BACE2: variants seen among roughly 807,000 people sequenced by gnomAD.
BACE2 encodes 56 kDa aspartic-like protease.
Under a neutral mutation model 46.2 loss-of-function variants are expected in BACE2, and 17 were observed. The ratio of observed to expected loss-of-function variants is 0.37; its 90% CI spans 0.25 to 0.55. BACE2 has a LOEUF of 0.55. Ranked by LOEUF, BACE2 falls within the 20% of genes least tolerant of loss-of-function variation. BACE2 has a pLI of 0.82. For synonymous variants in BACE2, 277 were observed against 295.9 expected (o/e 0.94, Z 0.66); for missense variants, 595 against 698.1 (o/e 0.85, Z 1.66).
chr21:41,226,334 C>T lies in BACE2; in HGVS notation c.381C>T (p.Asp127=), dbSNP rs776868357. The change falls in exon 2 of 9, where the codon GAC becomes GAT. Residue 127 remains aspartate, a synonymous_variant. Transcript: ENST00000330333. ...AVAGTPHSYI[D]TYFDTERSST... ...CAGGAACCCCGCACTCCTACATAGA[C>T]ACGTACTTTGACACAGAGAGGTAAG... is the stretch of plus-strand genomic sequence containing the variant. 59 of 1,614,074 alleles carry T rather than the reference C, an allele frequency of 3.7e-5. No homozygotes were observed. The Admixed American group carries it at 8.5e-4, about 23-fold the overall frequency.
At chr21:41,217,580 C>T (rs1046360455) in intron 1 of BACE2, among the ~76,000 whole-genome samples, 2 of 152,178 alleles carry the variant, frequency 1.3e-5, no homozygotes, top group African/African-American at 2.4e-5. Context: ...GCAGCTTTGG[C>T]GAGGTATCTG....
chr21:41,211,728 A>G (rs1013272172), intron 1 of BACE2, among the ~76,000 whole-genome samples: 1 of 152,264 alleles, frequency 6.6e-6, no homozygotes, highest in Non-Finnish European at 1.5e-5. Flanking sequence ...ATTATCTGCT[A>G]ATTTTCCTAT....
chr21:41,168,395 G>A lies in BACE2; in HGVS notation c.132G>A (p.Ala44=). 1.4e-6 allele frequency: 2 copies of A among 1,413,434 alleles called. No individual in the cohort carries two copies. Among genetic ancestry groups the A allele is most frequent in the Non-Finnish European group, 9.3e-7 (1 of 1,080,066 alleles). The allele number at this position is 1,413,434 out of a possible 1,614,324, so 87.6% of individuals were successfully genotyped here. The change falls in exon 1 of 9, where the codon GCG becomes GCA. Residue 44 remains alanine, a synonymous_variant. Coordinates refer to ENST00000330333, the MANE Select transcript of BACE2 (RefSeq NM_012105.5). ...RVAAATNRVV[A]PTPGPGTPAE... ...CCGCGGCCACGAACCGCGTAGTTGCGCCCACCCCGGGACCCGGGACCCCTG... is the reference window on the plus strand; with the variant it reads ...CCGCGGCCACGAACCGCGTAGTTGCACCCACCCCGGGACCCGGGACCCCTG...
chr21:41,224,415 C>T (rs780115104), intron 1 of BACE2, among the ~76,000 whole-genome samples: 9 of 152,006 alleles, frequency 5.9e-5, no homozygotes, highest in East Asian at 1.9e-4. Flanking sequence ...GGGGTTTCAC[C>T]GTGTTAGCCA....
rs1425742266 is a variant in BACE2, at chr21:41,168,486, G to A, written c.223G>A (p.Ala75Thr). The change falls in exon 1 of 9, where the codon GCC (alanine) becomes ACC (threonine). Residue 75 changes from alanine to threonine, a missense_variant. Transcript: ENST00000330333. ...TGCCCTGGCGTCCCCCGCGGGCGCC[G>A]CCAACTTCTTGGCCATGGTAGACAA... is the stretch of plus-strand genomic sequence containing the variant. ...EPALASPAGA[A>T]NFLAMVDNLQ... 9 of 1,377,580 alleles carry A rather than the reference G, an allele frequency of 6.5e-6. No individual in the cohort carries two copies. The highest frequency in any genetic ancestry group is 5.6e-5 in the South Asian group (3 of 53,500). The allele number at this position is 1,377,580 out of a possible 1,614,324, so 85.3% of individuals were successfully genotyped here.
chr21:41,271,257 T>C (rs551129524), intron 8 of BACE2, among the ~76,000 whole-genome samples: 20 of 152,094 alleles, frequency 1.3e-4, no homozygotes, highest in African/African-American at 4.1e-4. Flanking sequence ...TAGCAGTCTC[T>C]GTTTTTTAGT....
intron 7 of BACE2, among the ~76,000 whole-genome samples, chr21:41,255,506 C>A (rs1159373081): frequency 6.6e-6 from 1 of 152,210 alleles, no homozygotes; most frequent in African/African-American, 2.4e-5. Flanking sequence ...AGCGTCCACA[C>A]GGACGAAGTG....
chr21:41,267,614 A>C, intron 8 of BACE2, among the ~76,000 whole-genome samples: 1 of 152,228 alleles, frequency 6.6e-6, no homozygotes, highest in East Asian at 1.9e-4. Context: ...TAAAAATAGC[A>C]GAGTTAGCTG....
At chr21:41,233,869 C>T (rs1288164354) in intron 2 of BACE2, among the ~76,000 whole-genome samples, 1 of 152,158 alleles carries the variant, frequency 6.6e-6, no homozygotes, top group Non-Finnish European at 1.5e-5. Context: ...GCTGAGGCAG[C>T]AGAATCGCTT....
At chr21:41,194,407 C>T (rs923128052) in intron 1 of BACE2, among the ~76,000 whole-genome samples, 2 of 152,124 alleles carry the variant, frequency 1.3e-5, no homozygotes, top group Non-Finnish European at 1.5e-5. Context: ...CTTCTCAGCT[C>T]GCTTTCCTCT....
chr21:41,221,624 G>C (rs1986651554), intron 1 of BACE2, among the ~76,000 whole-genome samples: 1 of 152,130 alleles, frequency 6.6e-6, no homozygotes, highest in African/African-American at 2.4e-5. Flanking sequence ...AGGAGATCGA[G>C]ACCATCCTGG....
chr21:41,195,756 A>G lies in BACE2; in HGVS notation c.312+27181A>G, dbSNP rs1421694550. Among the ~76,000 whole-genome samples, 4 of 152,358 alleles carry G rather than the reference A, an allele frequency of 2.6e-5. No individual in the cohort carries two copies. The South Asian group carries it at 6.2e-4, about 24-fold the overall frequency. ...CCAGATAGAAACTTTGATATGAGATAGGACTGGACTCAAAATGCCTAAAAT... is the reference window on the plus strand; with the variant it reads ...CCAGATAGAAACTTTGATATGAGATGGGACTGGACTCAAAATGCCTAAAAT... On this transcript the variant is annotated intron_variant, in intron 1 of 8. Coordinates refer to ENST00000330333, the MANE Select transcript of BACE2 (RefSeq NM_012105.5).
chr21:41,173,712 C>T (rs907607016), intron 1 of BACE2, among the ~76,000 whole-genome samples: 1 of 152,148 alleles, frequency 6.6e-6, no homozygotes, highest in Non-Finnish European at 1.5e-5. Flanking sequence ...TGTCACTGCA[C>T]TCCAGCCTGG....
At chr21:41,259,807 G>A (rs924384093) in intron 8 of BACE2, among the ~76,000 whole-genome samples, 1 of 148,528 alleles carries the variant, frequency 6.7e-6, no homozygotes, top group South Asian at 2.1e-4. Context: ...TCTTTCTTTT[G>A]TTTTCTTTTT....
At chr21:41,235,368 G>A (rs1987087345) in intron 2 of BACE2, among the ~76,000 whole-genome samples, 1 of 152,204 alleles carries the variant, frequency 6.6e-6, no homozygotes. Flanking sequence ...TTGTTACTGA[G>A]CATTTGGATG....
At chr21:41,267,111 G>A (rs190858456) in intron 8 of BACE2, among the ~76,000 whole-genome samples, 1 of 152,214 alleles carries the variant, frequency 6.6e-6, no homozygotes, top group Admixed American at 6.5e-5. Flanking sequence ...ACATCCTCAC[G>A]CCCTTTTCCA....
intron 1 of BACE2, among the ~76,000 whole-genome samples, chr21:41,208,538 G>A (rs1358730879): frequency 6.6e-6 from 1 of 152,172 alleles, no homozygotes; most frequent in Non-Finnish European, 1.5e-5. Flanking sequence ...AGATGATAAG[G>A]AGTCCATTCG....
intron 2 of BACE2, chr21:41,236,716 C>G (rs777766085): frequency 3.9e-5 from 6 of 152,226 alleles, no homozygotes; most frequent in African/African-American, 1.2e-4. Flanking sequence ...AACCTGAACT[C>G]CAGCTGCTGC....
At chr21:41,266,635 G>A (rs1988074677) in intron 8 of BACE2, among the ~76,000 whole-genome samples, 1 of 152,252 alleles carries the variant, frequency 6.6e-6, no homozygotes, top group South Asian at 2.1e-4. Flanking sequence ...CCTGAGCTGA[G>A]CCAGGCTTCT....
Sources: gnomAD v4.1 joint callset for allele counts (sites outside exome capture counted in the v4.1 genomes callset) on GRCh38, gnomAD v4.1.1 for gene constraint, MANE v1.5 for transcripts, NCBI Gene and HGNC (gene_info 2026-07-23, HGNC 2026-07-21) for gene names.